DNM3: variants seen among roughly 807,000 people sequenced by gnomAD.
The protein encoded by DNM3 is dynamin 3.
DNM3 carries 47 observed loss-of-function variants against 101.6 expected under a neutral mutation model. The ratio of observed to expected loss-of-function variants is 0.46; its 90% CI spans 0.37 to 0.59. The LOEUF is 0.59. Ranked by LOEUF, DNM3 falls within the 20% of genes least tolerant of loss-of-function variation. The probability of loss-of-function intolerance (pLI) is 0.00; values close to 1 mark genes in which losing one functional copy is unlikely to be tolerated. For synonymous variants in DNM3, 385 were observed against 387.9 expected, an observed-to-expected ratio of 0.99 and a Z score of 0.09; for missense variants, 849 against 1,085.7, an observed-to-expected ratio of 0.78 and a Z score of 3.06.
intron 14 of DNM3, among the ~76,000 whole-genome samples, chr1:172,242,084 C>G (rs573971089): frequency 6.6e-6 from 1 of 152,230 alleles, no homozygotes; most frequent in East Asian, 1.9e-4. Context: ...ATAAGGTGAT[C>G]AGTCAGCAGC....
chr1:172,395,173 ATTT>A (rs151029098), intron 20 of DNM3, among the ~76,000 whole-genome samples: 10,308 of 133,120 alleles, frequency 0.077, 394 homozygotes, highest in South Asian at 0.19. Flanking sequence ...ATCAGAAGCA[ATTT>A]TTTTTTTTTT....
At chr1:172,318,744 A>G (rs1440499154) in intron 16 of DNM3, among the ~76,000 whole-genome samples, 1 of 152,236 alleles carries the variant, frequency 6.6e-6, no homozygotes, top group Non-Finnish European at 1.5e-5. Flanking sequence ...AAGAGGACAC[A>G]AACAAATGGA....
chr1:171,961,668 T>C (rs1001002488), intron 2 of DNM3, among the ~76,000 whole-genome samples: 3 of 152,166 alleles, frequency 2.0e-5, no homozygotes, highest in Admixed American at 6.6e-5. Flanking sequence ...CACAGCAGCA[T>C]TTTTTACAAT....
intron 15 of DNM3, among the ~76,000 whole-genome samples, chr1:172,261,680 A>G (rs1022004714): frequency 1.3e-5 from 2 of 152,232 alleles, no homozygotes; most frequent in African/African-American, 2.4e-5. Context: ...TGGAACATCC[A>G]TCTGGGACCC....
rs549676028 is a variant in DNM3, at chr1:172,106,148, A to T, written c.1545+13273A>T. Among the ~76,000 whole-genome samples the T allele has an allele frequency of 2.0e-5, 3 of 152,274 alleles. No individual in the cohort carries two copies. The South Asian group carries it at 6.2e-4, about 32-fold the overall frequency. Reference sequence around the variant, plus strand: ...TAAAATATATTTAGTATGATAAAGAAATAAATATGGGCCTGTAATCCCATC... The same window carrying T: ...TAAAATATATTTAGTATGATAAAGATATAAATATGGGCCTGTAATCCCATC... On this transcript the variant is annotated intron_variant, in intron 13 of 20. Transcript: ENST00000627582.
chr1:172,163,552 T>C (rs976185206), intron 14 of DNM3, among the ~76,000 whole-genome samples: 11 of 152,030 alleles, frequency 7.2e-5, no homozygotes, highest in African/African-American at 2.2e-4. Flanking sequence ...TTCTTAACTA[T>C]AGTCACCATG....
intron 15 of DNM3, among the ~76,000 whole-genome samples, chr1:172,302,700 G>A: frequency 6.6e-6 from 1 of 152,278 alleles, no homozygotes; most frequent in Middle Eastern, 3.4e-3. Flanking sequence ...AATATTTGCT[G>A]TTCTGCAGCC....
At chr1:172,188,389 T>TGA (rs987849530) in intron 14 of DNM3, among the ~76,000 whole-genome samples, 1 of 152,098 alleles carries the variant, frequency 6.6e-6, no homozygotes, top group African/African-American at 2.4e-5. Context: ...TTTCAACAAA[T>TGA]GGGACTGGCT....
At chr1:171,953,637 C>G (rs145603894) in intron 2 of DNM3, among the ~76,000 whole-genome samples, 3,567 of 152,032 alleles carry the variant, frequency 0.023, 132 homozygotes, top group African/African-American at 0.081. Flanking sequence ...CCATATTGGC[C>G]AGGCTTGTCT....
chr1:171,922,427 T>C (rs993640176), intron 2 of DNM3, among the ~76,000 whole-genome samples: 7 of 152,192 alleles, frequency 4.6e-5, no homozygotes, highest in African/African-American at 1.7e-4. Context: ...TCCCCATTTC[T>C]TTTTGGGGAT....
At chr1:172,087,760 T>C (rs1219419276) in intron 12 of DNM3, among the ~76,000 whole-genome samples, 2 of 152,228 alleles carry the variant, frequency 1.3e-5, no homozygotes. Context: ...TCTGTACCCC[T>C]GTCATCCTCT....
chr1:172,417,569 T>C (rs1012735325), downstream of DNM3, among the ~76,000 whole-genome samples: 1 of 152,186 alleles, frequency 6.6e-6, no homozygotes. Context: ...AATACAGTTA[T>C]ACCTAGCTCT....
In DNM3 at chr1:172,409,673, T is replaced by G. The variant is rs775164879; in HGVS notation, c.*1832T>G. 2.0e-6 allele frequency: 2 copies of G among 985,618 alleles called. No homozygotes were observed. The highest frequency in any genetic ancestry group is 2.4e-6 in the Non-Finnish European group (2 of 829,698). The allele number at this position is 985,618 out of a possible 1,614,324, so 61.1% of individuals were successfully genotyped here. Reference sequence around the variant, plus strand: ...TTTTTAAAATAGTGTCTCAGCTAAATGGAAAACTGTTAAGCAAACATCCAT... The same window carrying G: ...TTTTTAAAATAGTGTCTCAGCTAAAGGGAAAACTGTTAAGCAAACATCCAT... On this transcript the variant is annotated 3_prime_UTR_variant, in exon 21 of 21. Transcript: ENST00000627582.
chr1:172,112,542 C>A (rs1200299330), intron 13 of DNM3, among the ~76,000 whole-genome samples: 1 of 152,160 alleles, frequency 6.6e-6, no homozygotes, highest in Non-Finnish European at 1.5e-5. Flanking sequence ...TGGCCCTGAA[C>A]CTCTTCAGTC....
chr1:172,326,238 C>T (rs1349142901), intron 17 of DNM3, among the ~76,000 whole-genome samples: 10 of 107,710 alleles, frequency 9.3e-5, no homozygotes. Context: ...ATCACAGTTG[C>T]TCAGGAAAAA....
chr1:172,039,164 GTTCCTTT>G (rs1257739169), intron 7 of DNM3, among the ~76,000 whole-genome samples: 14 of 151,918 alleles, frequency 9.2e-5, no homozygotes, highest in Admixed American at 3.9e-4. Context: ...GTCTCCATCA[GTTCCTTT>G]ATCCTGTGCT....
intron 11 of DNM3, among the ~76,000 whole-genome samples, chr1:172,079,663 C>G (rs186261592): frequency 1.3e-5 from 2 of 152,220 alleles, no homozygotes; most frequent in Admixed American, 6.5e-5. Context: ...TGTTTTCTTG[C>G]TGGCAAGGAG....
intron 15 of DNM3, among the ~76,000 whole-genome samples, chr1:172,304,557 T>C (rs1305927178): frequency 1.3e-5 from 2 of 152,072 alleles, no homozygotes; most frequent in East Asian, 1.9e-4. Flanking sequence ...CAGAACTCTC[T>C]ATCCCAAATC....
intron 1 of DNM3, among the ~76,000 whole-genome samples, chr1:171,897,290 A>G (rs1360889901): frequency 1.3e-5 from 2 of 152,212 alleles, no homozygotes; most frequent in Non-Finnish European, 2.9e-5. Context: ...AACACCAAAC[A>G]AAGTTTTCAC....
Sources: allele counts gnomAD v4.1 joint callset (sites outside exome capture counted in the v4.1 genomes callset), GRCh38; gene constraint gnomAD v4.1.1; transcripts MANE v1.5; gene names NCBI Gene and HGNC (gene_info 2026-07-23, HGNC 2026-07-21).